The following GRID2 variants were observed in gnomAD, a reference collection of about 807,000 sequenced individuals.
GRID2 encodes glutamate receptor ionotropic, delta-2.
A neutral mutation model predicts 114.8 loss-of-function variants in GRID2; 33 were observed. That is an observed-to-expected ratio of 0.29 (90% confidence interval 0.22 to 0.38). The LOEUF is 0.38. Ranked by LOEUF, GRID2 falls within the 10% of genes least tolerant of loss-of-function variation. GRID2 has a pLI of 1.00. For synonymous variants in GRID2, 505 were observed against 449.9 expected, an observed-to-expected ratio of 1.12 and a Z score of -1.55; for missense variants, 1,184 against 1,257.7, an observed-to-expected ratio of 0.94 and a Z score of 0.89.
chr4:92,770,202 C>T (rs1560582205), intron 2 of GRID2, among the ~76,000 whole-genome samples: 1 of 152,214 alleles, frequency 6.6e-6, no homozygotes. Context: ...CCACCAGTCT[C>T]TTTGCTAAAA....
chr4:92,585,095 G>A (rs917154269), intron 1 of GRID2, among the ~76,000 whole-genome samples: 7 of 151,804 alleles, frequency 4.6e-5, no homozygotes, highest in Admixed American at 3.9e-4. Flanking sequence ...AGAGCACAGT[G>A]GCTTGGCTTT....
intron 14 of GRID2, among the ~76,000 whole-genome samples, chr4:93,658,875 TG>T (rs1418452070): frequency 6.6e-6 from 1 of 152,204 alleles, no homozygotes; most frequent in Non-Finnish European, 1.5e-5. Flanking sequence ...ACTCAAAATT[TG>T]TGCAAGAACT....
intron 13 of GRID2, among the ~76,000 whole-genome samples, chr4:93,599,927 C>T (rs1739496712): frequency 6.6e-6 from 1 of 152,116 alleles, no homozygotes; most frequent in Admixed American, 6.5e-5. Context: ...AGGAAGAGTC[C>T]TAAAATTGGC....
chr4:92,836,273 C>T (rs545076054), intron 2 of GRID2, among the ~76,000 whole-genome samples: 1 of 152,040 alleles, frequency 6.6e-6, no homozygotes, highest in African/African-American at 2.4e-5. Flanking sequence ...TGATTTTTAG[C>T]ACAGTGGAAA....
chr4:92,559,116 C>A (rs1474414898), intron 1 of GRID2, among the ~76,000 whole-genome samples: 1 of 152,042 alleles, frequency 6.6e-6, no homozygotes, highest in Non-Finnish European at 1.5e-5. Context: ...TAAATTATTC[C>A]TATTTTGCTT....
chr4:93,713,044 GT>G (rs1455359830), intron 14 of GRID2, among the ~76,000 whole-genome samples: 1 of 151,948 alleles, frequency 6.6e-6, no homozygotes, highest in African/African-American at 2.4e-5. Context: ...GAATATAAGA[GT>G]TTTTTGTTAT....
intron 1 of GRID2, among the ~76,000 whole-genome samples, chr4:92,575,089 C>T (rs1268874386): frequency 1.3e-5 from 2 of 152,124 alleles, no homozygotes; most frequent in African/African-American, 2.4e-5. Context: ...GTCTTGCCTC[C>T]TCTTGACCTA....
At chr4:93,583,716 T>C (rs947906755) in intron 13 of GRID2, among the ~76,000 whole-genome samples, 1 of 152,134 alleles carries the variant, frequency 6.6e-6, no homozygotes, top group Non-Finnish European at 1.5e-5. Flanking sequence ...TCCAGTATTC[T>C]CATCTTAGGG....
intron 14 of GRID2, among the ~76,000 whole-genome samples, chr4:93,762,278 G>C (rs936151581): frequency 1.3e-5 from 2 of 152,076 alleles, no homozygotes; most frequent in African/African-American, 4.8e-5. Flanking sequence ...ACAGTATTGA[G>C]TAATGGGACT....
At chr4:92,866,689 A>G (rs1006491577) in intron 2 of GRID2, among the ~76,000 whole-genome samples, 1 of 148,946 alleles carries the variant, frequency 6.7e-6, no homozygotes, top group Non-Finnish European at 1.5e-5. Context: ...GACTACAGGC[A>G]CCCGCCACCA....
Position 92,304,353 on chromosome 4 carries a change from C to G in GRID2, c.-304C>G. 2.5e-6 allele frequency: 1 copy of G among 398,116 alleles called. No individual in the cohort carries two copies. The highest frequency in any genetic ancestry group is 2.1e-5 in the African/African-American group (1 of 47,500). The allele number at this position is 398,116 out of a possible 1,614,324, so 24.7% of individuals were successfully genotyped here. On this transcript the variant is annotated 5_prime_UTR_variant, in exon 1 of 16. Transcript: ENST00000282020. ...CTGATCTGAGCCCCAGCCTCTCCCCCTGCCCAAGAGCAGTAGAGGCTGGAT... is the reference window on the plus strand; with the variant it reads ...CTGATCTGAGCCCCAGCCTCTCCCCGTGCCCAAGAGCAGTAGAGGCTGGAT...
At chr4:93,153,460 A>G (rs1183585746) in intron 4 of GRID2, among the ~76,000 whole-genome samples, 1 of 152,102 alleles carries the variant, frequency 6.6e-6, no homozygotes, top group East Asian at 1.9e-4. Flanking sequence ...GGCAGAGACT[A>G]GCTAGTCAGA....
chr4:93,158,524 T>C (rs1299639860), intron 4 of GRID2, among the ~76,000 whole-genome samples: 1 of 150,720 alleles, frequency 6.6e-6, no homozygotes, highest in Non-Finnish European at 1.5e-5. Context: ...TCTACCATAC[T>C]ACCTTACCTT....
chr4:93,570,061 A>G (rs1021191063), intron 13 of GRID2, among the ~76,000 whole-genome samples: 1 of 152,186 alleles, frequency 6.6e-6, no homozygotes, highest in African/African-American at 2.4e-5. Flanking sequence ...TGTATCATCA[A>G]TGTCTATAGT....
intron 2 of GRID2, chr4:92,702,706 G>T (rs1208860924): frequency 3.3e-5 from 5 of 151,176 alleles, no homozygotes; most frequent in Non-Finnish European, 7.4e-5. Flanking sequence ...TAATATTATT[G>T]TATAATGGTA....
chr4:93,653,205 A>T (rs963991376), intron 14 of GRID2, among the ~76,000 whole-genome samples: 3 of 152,100 alleles, frequency 2.0e-5, no homozygotes, highest in African/African-American at 7.2e-5. Context: ...AGTTATAATA[A>T]AGGAACAATG....
chr4:92,559,075 A>G (rs1170388358), intron 1 of GRID2, among the ~76,000 whole-genome samples: 3 of 152,198 alleles, frequency 2.0e-5, no homozygotes, highest in East Asian at 1.9e-4. Flanking sequence ...TTGCCTGTTC[A>G]TTATTTATGC....
At chr4:92,876,708 A>G (rs899053218) in intron 2 of GRID2, among the ~76,000 whole-genome samples, 1 of 152,222 alleles carries the variant, frequency 6.6e-6, no homozygotes, top group Non-Finnish European at 1.5e-5. Context: ...CTTTATCACC[A>G]GAGATTCTGA....
intron 2 of GRID2, among the ~76,000 whole-genome samples, chr4:93,067,969 C>T (rs114600963): frequency 0.018 from 2,799 of 152,006 alleles, 45 homozygotes; most frequent in Non-Finnish European, 0.029. Flanking sequence ...TGTTGAATAG[C>T]CTAGAATCTT....
Sources: gnomAD v4.1 joint callset for allele counts (sites outside exome capture counted in the v4.1 genomes callset) on GRCh38, gnomAD v4.1.1 for gene constraint, MANE v1.5 for transcripts, NCBI Gene and HGNC (gene_info 2026-07-23, HGNC 2026-07-21) for gene names.